NDUFAF2: variants seen among roughly 807,000 people sequenced by gnomAD.
NDUFAF2 encodes the protein NADH:ubiquinone oxidoreductase complex assembly factor 2, also known as NADH dehydrogenase [ubiquinone] 1 alpha subcomplex assembly factor 2.
Under a neutral mutation model 22.8 loss-of-function variants are expected in NDUFAF2, and 13 were observed. The ratio of observed to expected loss-of-function variants is 0.57; its 90% CI spans 0.37 to 0.91. The LOEUF (loss-of-function observed/expected upper bound fraction) is 0.91, where lower values mean the gene tolerates loss of function less well. Among genes scored for constraint, NDUFAF2 ranks in the 40% least tolerant of loss-of-function variants. NDUFAF2 has a pLI of 0.01. For missense variants in NDUFAF2, 162 were observed against 195.2 expected, an observed-to-expected ratio of 0.83 and a Z score of 1.01; for synonymous variants, 53 against 64.2, an observed-to-expected ratio of 0.83 and a Z score of 0.84.
chr5:61,135,194 A>G (rs1299546521), intron 3 of NDUFAF2, among the ~76,000 whole-genome samples: 2 of 151,912 alleles, frequency 1.3e-5, no homozygotes, highest in Non-Finnish European at 2.9e-5. Flanking sequence ...CCTAACAGCA[A>G]TGACAGTCCA....
intron 1 of NDUFAF2, among the ~76,000 whole-genome samples, chr5:60,983,244 GTTGT>G (rs1164618391): frequency 7.6e-6 from 1 of 132,160 alleles, no homozygotes; most frequent in Non-Finnish European, 1.6e-5. Flanking sequence ...TGTTGATGGG[GTTGT>G]TTGTTTTTTT....
intron 1 of NDUFAF2, among the ~76,000 whole-genome samples, chr5:61,023,611 C>T (rs917670127): frequency 1.3e-5 from 2 of 152,116 alleles, no homozygotes; most frequent in Non-Finnish European, 2.9e-5. Context: ...TTTTATGTTA[C>T]TTTTAAATTT....
At chr5:61,107,816 C>G (rs1752787318) in intron 3 of NDUFAF2, among the ~76,000 whole-genome samples, 2 of 114,936 alleles carry the variant, frequency 1.7e-5, no homozygotes, top group Middle Eastern at 5.3e-3. Flanking sequence ...TCCCTCCCCC[C>G]TCCCCCCACC....
At chr5:61,071,009 G>A (rs1580121701) in intron 1 of NDUFAF2, among the ~76,000 whole-genome samples, 1 of 152,066 alleles carries the variant, frequency 6.6e-6, no homozygotes, top group East Asian at 1.9e-4. Context: ...TTTGAAAATT[G>A]TCACATAAGC....
At chr5:61,078,504 A>C (rs187929729) in intron 2 of NDUFAF2, among the ~76,000 whole-genome samples, 1 of 152,168 alleles carries the variant, frequency 6.6e-6, no homozygotes, top group East Asian at 1.9e-4. Flanking sequence ...ACTTTGGGAG[A>C]CTGAGGCAAG....
intron 1 of NDUFAF2, among the ~76,000 whole-genome samples, chr5:60,946,922 A>G (rs1056906538): frequency 2.0e-5 from 3 of 152,220 alleles, no homozygotes; most frequent in Non-Finnish European, 1.5e-5. Flanking sequence ...CTTGCTTCAC[A>G]TAGCATAATG....
At chr5:61,092,057 G>C (rs1482964576) in intron 2 of NDUFAF2, among the ~76,000 whole-genome samples, 1 of 152,128 alleles carries the variant, frequency 6.6e-6, no homozygotes, top group Non-Finnish European at 1.5e-5. Flanking sequence ...CTATGTGTCT[G>C]TTTTTGTATC....
intron 3 of NDUFAF2, among the ~76,000 whole-genome samples, chr5:61,104,551 A>T (rs1752739743): frequency 1.3e-5 from 2 of 152,026 alleles, no homozygotes; most frequent in Non-Finnish European, 2.9e-5. Context: ...GCTGCGGTCT[A>T]AAAAAAGGTT....
chr5:61,028,278 G>A (rs1321458740), intron 1 of NDUFAF2, among the ~76,000 whole-genome samples: 1 of 151,944 alleles, frequency 6.6e-6, no homozygotes, highest in Non-Finnish European at 1.5e-5. Flanking sequence ...TTTGCTATGT[G>A]CATATTTGTT....
intron 1 of NDUFAF2, among the ~76,000 whole-genome samples, chr5:60,999,558 G>A (rs1751270350): frequency 6.6e-6 from 1 of 152,058 alleles, no homozygotes. Flanking sequence ...AGGGTTAGGG[G>A]AGGGAAGAAA....
At chr5:61,072,579 GATTT>G (rs1215117463) in intron 1 of NDUFAF2, among the ~76,000 whole-genome samples, 2 of 151,960 alleles carry the variant, frequency 1.3e-5, no homozygotes, top group East Asian at 1.9e-4. Context: ...ATTAAATCTA[GATTT>G]ATTTATTTAT....
intron 2 of NDUFAF2, among the ~76,000 whole-genome samples, chr5:61,090,405 A>G (rs1307610677): frequency 6.6e-6 from 1 of 152,032 alleles, no homozygotes; most frequent in African/African-American, 2.4e-5. Context: ...TGAATTCTCT[A>G]TGATTTTCAT....
intron 1 of NDUFAF2, among the ~76,000 whole-genome samples, chr5:61,010,518 T>C (rs1751430296): frequency 6.6e-6 from 1 of 152,128 alleles, no homozygotes; most frequent in Non-Finnish European, 1.5e-5. Context: ...TTATCTCTCA[T>C]TTAAATACAT....
rs959884325 is a variant in NDUFAF2, at chr5:61,005,235, G to A, written c.127+59853G>A. ...AGTTGGCTTAGAATGATGGTTTCTA[G>A]CTTCATCCATGTCCCTACAAAGGAC... On this transcript the variant is annotated intron_variant, in intron 1 of 3. Coordinates refer to ENST00000296597, the MANE Select transcript of NDUFAF2 (RefSeq NM_174889.5). Among the ~76,000 whole-genome samples the A allele has an allele frequency of 1.5e-4, 23 of 151,962 alleles. 1 individual carries two copies. Among genetic ancestry groups the A allele is most frequent in the Non-Finnish European group, 2.9e-4 (20 of 67,954 alleles).
intron 1 of NDUFAF2, among the ~76,000 whole-genome samples, chr5:61,014,373 G>A (rs1412915140): frequency 6.6e-6 from 1 of 152,176 alleles, no homozygotes; most frequent in Non-Finnish European, 1.5e-5. Flanking sequence ...AAGTTCTTGT[G>A]CTTGGAACCT....
intron 1 of NDUFAF2, among the ~76,000 whole-genome samples, chr5:61,070,625 A>ACG (rs1554082093): frequency 6.7e-6 from 1 of 150,086 alleles, no homozygotes; most frequent in East Asian, 1.9e-4. Flanking sequence ...ACACACACAC[A>ACG]CACGCACTCA....
intron 1 of NDUFAF2, among the ~76,000 whole-genome samples, chr5:60,993,825 T>C (rs575943009): frequency 6.6e-6 from 1 of 152,288 alleles, no homozygotes; most frequent in African/African-American, 2.4e-5. Flanking sequence ...GCCCAGGGCT[T>C]TTATGGGCCT....
intron 1 of NDUFAF2, among the ~76,000 whole-genome samples, chr5:61,052,623 C>T (rs1289457037): frequency 3.9e-5 from 6 of 152,126 alleles, no homozygotes. Flanking sequence ...TTGTTATTTT[C>T]TATTATCCTT....
chr5:60,954,790 G>A (rs1020231873), intron 1 of NDUFAF2, among the ~76,000 whole-genome samples: 2 of 151,514 alleles, frequency 1.3e-5, no homozygotes, highest in African/African-American at 2.4e-5. Context: ...ACAAGTATAA[G>A]GTGATAGCTT....
Sources: allele counts gnomAD v4.1 joint callset (sites outside exome capture counted in the v4.1 genomes callset), GRCh38; gene constraint gnomAD v4.1.1; transcripts MANE v1.5; gene names NCBI Gene and HGNC (gene_info 2026-07-23, HGNC 2026-07-21).